The following PCDHGA2 variants were observed in gnomAD, a reference collection of about 807,000 sequenced individuals.
The protein encoded by PCDHGA2 is protocadherin gamma subfamily A, 2, also known as protocadherin gamma-A2.
In PCDHGA2, 40 loss-of-function variants were observed where a neutral mutation model predicts 59.2. That is an observed-to-expected ratio of 0.68 (90% confidence interval 0.52 to 0.88). The LOEUF (loss-of-function observed/expected upper bound fraction) is 0.88, where lower values mean the gene tolerates loss of function less well. Ranked by LOEUF, PCDHGA2 falls within the 40% of genes least tolerant of loss-of-function variation. The pLI, the probability that PCDHGA2 is intolerant of heterozygous loss-of-function variation, is 0.00. For missense variants in PCDHGA2, 1,226 were observed against 1,204.0 expected (o/e 1.02, Z -0.27); for synonymous variants, 560 against 526.0 (o/e 1.06, Z -0.89).
intron 1 of PCDHGA2, among the ~76,000 whole-genome samples, chr5:141,472,015 T>C (rs2099269555): frequency 6.6e-6 from 1 of 152,164 alleles, no homozygotes; most frequent in African/African-American, 2.4e-5. Flanking sequence ...AGGGGCACTA[T>C]ATTGTATGTA....
chr5:141,415,599 C>G (rs201075690), intron 1 of PCDHGA2: 321 of 1,613,514 alleles, frequency 2.0e-4, no homozygotes, highest in South Asian at 6.6e-4. Context: ...TAGAGGATAC[C>G]CCATTGGTTC....
Position 141,489,400 on chromosome 5 carries a change from T to A in PCDHGA2, c.2425-5407T>A. 6.2e-7 allele frequency: 1 copy of A among 1,614,134 alleles called. No individual in the cohort carries two copies. Among genetic ancestry groups the A allele is most frequent in the Non-Finnish European group, 8.5e-7 (1 of 1,180,020 alleles). On this transcript the variant is annotated intron_variant, in intron 1 of 3. Transcript: ENST00000394576. This position sits in a 1 kb window ranked among gnomAD's most constrained non-coding sequence, Gnocchi z 4.5. ...GGGGAATGTTGCTCAGGATCTGGGC[T>A]TAAAGATGACAGATCTGTTGAGCCG...
chr5:141,418,988 G>A, intron 1 of PCDHGA2: 1 of 1,613,946 alleles, frequency 6.2e-7, no homozygotes, highest in Non-Finnish European at 8.5e-7. Context: ...CCAAGACTCA[G>A]GGGAAAATGG....
At chr5:141,447,313 T>C (rs2098534296) in intron 1 of PCDHGA2, among the ~76,000 whole-genome samples, 1 of 152,146 alleles carries the variant, frequency 6.6e-6, no homozygotes, top group African/African-American at 2.4e-5. Context: ...CTAATTTTTG[T>C]ATTTTTAGTA....
Position 141,500,251 on chromosome 5 carries a change from C to T in PCDHGA2, c.2484-5142C>T, listed in dbSNP as rs187199142. Among the ~76,000 whole-genome samples, 1,493 of 151,438 alleles carry T rather than the reference C, an allele frequency of 9.9e-3. 32 individuals are homozygous for T. Among genetic ancestry groups the T allele is most frequent in the African/African-American group, 0.035 (1,426 of 41,214 alleles). Reference sequence around the variant, plus strand: ...TGATACGTAGCCTTGCTCTGTCACCCAGGCTGGACTGCAGTGGCGCAATCT... The same window carrying T: ...TGATACGTAGCCTTGCTCTGTCACCTAGGCTGGACTGCAGTGGCGCAATCT... On this transcript the variant is annotated intron_variant, in intron 2 of 3. Coordinates refer to ENST00000394576, the MANE Select transcript of PCDHGA2 (RefSeq NM_018915.4).
In PCDHGA2 at chr5:141,350,749, A is replaced by G. The variant is rs753374370; in HGVS notation, c.2424+9354A>G. 1.3e-5 allele frequency: 21 copies of G among 1,613,854 alleles called. No homozygotes were observed. In the East Asian group the frequency reaches 3.6e-4, roughly 27 times the overall value. Reference sequence around the variant, plus strand: ...AAGATGCAGATGTGGAAGGCAATTCACTGAAGTTATACACCATCAACCCCA... The same window carrying G: ...AAGATGCAGATGTGGAAGGCAATTCGCTGAAGTTATACACCATCAACCCCA... On this transcript the variant is annotated intron_variant, in intron 1 of 3. Coordinates refer to ENST00000394576, the MANE Select transcript of PCDHGA2 (RefSeq NM_018915.4).
At chr5:141,441,930 G>T in intron 1 of PCDHGA2, 1 of 347,232 alleles carries the variant, frequency 2.9e-6, no homozygotes, top group Non-Finnish European at 5.5e-6. Flanking sequence ...ATGCGTGGCT[G>T]TCCTACCACG....
chr5:141,420,540 A>G, intron 1 of PCDHGA2: 1 of 306,814 alleles, frequency 3.3e-6, no homozygotes, highest in Non-Finnish European at 5.7e-6. Context: ...AAAAATATAA[A>G]ATACAGGTAT....
intron 1 of PCDHGA2, chr5:141,424,098 C>T: frequency 8.3e-6 from 7 of 846,340 alleles, no homozygotes; most frequent in Non-Finnish European, 1.0e-5. Flanking sequence ...TTTGCTATTA[C>T]TGCTAATGTT....
At chr5:141,422,202 T>C (rs1272540004) in intron 1 of PCDHGA2, 1 of 1,561,656 alleles carries the variant, frequency 6.4e-7, no homozygotes, top group Admixed American at 2.0e-5. Flanking sequence ...GCCAAGATGG[T>C]GGAGGTCTCT....
rs70988800 is a variant in PCDHGA2 at position 141,379,889 on chromosome 5, C to CTTTTTTTTTTTTTTTTT, written c.2424+38508_2424+38524dup. On this transcript the variant is annotated intron_variant, in intron 1 of 3. Transcript: ENST00000394576. ...CTTATTTTATGGTCTGTGAAAGCCT[C>CTTTTTTTTTTTTTTTTT]TTTTTTTTTTTTTTTTTTTTTTTTT... Among the ~76,000 whole-genome samples the CTTTTTTTTTTTTTTTTT allele has an allele frequency of 3.2e-3, 165 of 50,828 alleles. 28 individuals carry two copies. Among genetic ancestry groups the CTTTTTTTTTTTTTTTTT allele is most frequent in the Non-Finnish European group, 4.5e-3 (116 of 25,882 alleles). The allele number at this position is 50,828 out of a possible 152,430, so 33.3% of individuals were successfully genotyped here. A position where few individuals can be genotyped will look rare whatever the true frequency, so the allele number is the denominator to read the frequency against.
chr5:141,422,569 G>C, intron 1 of PCDHGA2: 2 of 1,613,984 alleles, frequency 1.2e-6, no homozygotes, highest in Non-Finnish European at 1.7e-6. Flanking sequence ...AGATGACAAC[G>C]ATAACCCTCC....
At chr5:141,351,471 G>T (rs1758728622) in intron 1 of PCDHGA2, 1 of 1,613,760 alleles carries the variant, frequency 6.2e-7, no homozygotes. Context: ...GTGATTGCTG[G>T]AGCCCTAAAC....
chr5:141,345,735 C>A, intron 1 of PCDHGA2: 1 of 1,614,226 alleles, frequency 6.2e-7, no homozygotes, highest in East Asian at 2.2e-5. Flanking sequence ...CCCCGCCCTC[C>A]CCACAGACGG....
At chr5:141,509,650 T>C (rs1484029268) in intron 3 of PCDHGA2, among the ~76,000 whole-genome samples, 1 of 152,188 alleles carries the variant, frequency 6.6e-6, no homozygotes, top group African/African-American at 2.4e-5. Context: ...GGCCAGAGTG[T>C]GGACTTCTCT....
Position 141,510,985 on chromosome 5 carries a change from G to A in PCDHGA2, c.2611G>A (p.Gly871Ser), listed in dbSNP as rs1278517639. Residue 871 changes from glycine to serine, a missense_variant, in exon 4 of 4, where the codon GGC becomes AGC. Transcript: ENST00000394576. ...DGSSTLGGGA[G>S]TMGLSARYGP... ...GAGCTCCACCCTGGGAGGGGGTGCCGGCACCATGGGATTGAGCGCCCGCTA... is the reference window on the plus strand; with the variant it reads ...GAGCTCCACCCTGGGAGGGGGTGCCAGCACCATGGGATTGAGCGCCCGCTA... 19 of 1,614,090 alleles carry A rather than the reference G, an allele frequency of 1.2e-5. No individual in the cohort carries two copies. The highest frequency in any genetic ancestry group is 2.2e-5 in the East Asian group (1 of 44,880).
chr5:141,494,510 C>T (rs1462702765), intron 1 of PCDHGA2, among the ~76,000 whole-genome samples: 1 of 152,156 alleles, frequency 6.6e-6, no homozygotes, highest in Non-Finnish European at 1.5e-5. Context: ...TGAATTTTGG[C>T]TCAGGAGTTC....
Position 141,338,883 on chromosome 5 carries a change from T to A in PCDHGA2, c.-89T>A. The A allele has an allele frequency of 1.4e-6, 2 of 1,461,774 alleles. No homozygotes were observed. The highest frequency in any genetic ancestry group is 5.5e-5 in the Admixed American group (2 of 36,582). 90.6% of individuals were successfully genotyped at this position (1,461,774 alleles called of 1,614,324 possible). A position where few individuals can be genotyped will look rare whatever the true frequency, so the allele number is the denominator to read the frequency against. ...TCCATAGGGACCTGGGTCCCGTGAA[T>A]GCTGGTTATCTCACACCCTGAGGAA... On this transcript the variant is annotated 5_prime_UTR_variant, in exon 1 of 4. The change abolishes an upstream ATG in the 5' untranslated region. Coordinates refer to ENST00000394576, the MANE Select transcript of PCDHGA2 (RefSeq NM_018915.4).
chr5:141,361,971 C>G (rs766740783), intron 1 of PCDHGA2: 1 of 1,601,080 alleles, frequency 6.2e-7, no homozygotes, highest in South Asian at 1.1e-5. Context: ...TGCAGGCCAG[C>G]GAGCCCGGGC....
Sources: allele counts gnomAD v4.1 joint callset (sites outside exome capture counted in the v4.1 genomes callset), GRCh38; gene constraint gnomAD v4.1.1; non-coding constraint Gnocchi (gnomAD v3.1); transcripts MANE v1.5; gene names NCBI Gene and HGNC (gene_info 2026-07-23, HGNC 2026-07-21).